The following NAV3 variants were observed in gnomAD, a reference collection of about 807,000 sequenced individuals.
NAV3 encodes the protein pore membrane and/or filament interacting like protein 1.
Under a neutral mutation model 244.7 loss-of-function variants are expected in NAV3, and 87 were observed. That is an observed-to-expected ratio of 0.36 (90% CI 0.30 to 0.42). The LOEUF is 0.42. NAV3 is among the 20% of genes least tolerant of loss of function. NAV3 has a pLI of 1.00. For missense variants in NAV3, 2,663 were observed against 2,893.3 expected (o/e 0.92, Z 1.83); for synonymous variants, 1,126 against 1,042.2 (o/e 1.08, Z -1.55).
chr12:77,766,267 G>A (rs112642315), intron 2 of NAV3, among the ~76,000 whole-genome samples: 2,143 of 152,224 alleles, frequency 0.014, 44 homozygotes, highest in African/African-American at 0.044. Flanking sequence ...TTTAAAAGAA[G>A]GTGTGAAAAA....
chr12:77,915,905 A>G (rs889329870), intron 1 of NAV3, among the ~76,000 whole-genome samples: 1 of 152,070 alleles, frequency 6.6e-6, no homozygotes, highest in Admixed American at 6.6e-5. Flanking sequence ...GCTGAATGAC[A>G]TGAAGCTTAC....
At chr12:77,657,011 G>A (rs1215671356) in intron 2 of NAV3, among the ~76,000 whole-genome samples, 1 of 152,124 alleles carries the variant, frequency 6.6e-6, no homozygotes, top group Non-Finnish European at 1.5e-5. Context: ...AAGCAGGAAA[G>A]ATCCAAAATT....
chr12:78,033,994 TGA>T (rs998064261), intron 9 of NAV3, among the ~76,000 whole-genome samples: 6 of 152,190 alleles, frequency 3.9e-5, no homozygotes, highest in Non-Finnish European at 8.8e-5. Flanking sequence ...AAAGAATACC[TGA>T]GAGAGAGCTG....
intron 2 of NAV3, among the ~76,000 whole-genome samples, chr12:77,803,846 T>A (rs188189413): frequency 1.1e-4 from 16 of 152,368 alleles, no homozygotes; most frequent in African/African-American, 3.8e-4. Context: ...GGTATCTCAT[T>A]GTGGTTTTGA....
intron 34 of NAV3, among the ~76,000 whole-genome samples, chr12:78,192,775 A>G (rs1959041529): frequency 1.3e-5 from 2 of 152,122 alleles, no homozygotes; most frequent in African/African-American, 2.4e-5. Flanking sequence ...TTATAACTAA[A>G]AAATATTTAT....
intron 2 of NAV3, among the ~76,000 whole-genome samples, chr12:77,599,693 TAAC>T (rs1435016990): frequency 6.6e-6 from 1 of 151,900 alleles, no homozygotes; most frequent in African/African-American, 2.4e-5. Context: ...ATAGGTTCCT[TAAC>T]AATGATAATT....
At chr12:77,793,758 A>T (rs1414295542) in intron 2 of NAV3, among the ~76,000 whole-genome samples, 1 of 152,162 alleles carries the variant, frequency 6.6e-6, no homozygotes, top group Non-Finnish European at 1.5e-5. Context: ...AGTATTTGCT[A>T]TTGTGAATAG....
At chr12:78,074,214 T>A (rs1191669528) in intron 12 of NAV3, among the ~76,000 whole-genome samples, 1 of 152,174 alleles carries the variant, frequency 6.6e-6, no homozygotes, top group African/African-American at 2.4e-5. Flanking sequence ...TAGGATCAAA[T>A]AGTAGAACAC....
chr12:77,984,913 T>C (rs988747211), intron 5 of NAV3, among the ~76,000 whole-genome samples: 1 of 151,854 alleles, frequency 6.6e-6, no homozygotes, highest in Non-Finnish European at 1.5e-5. Context: ...ACCTCCTGGG[T>C]TCAAGCGATT....
chr12:78,078,095 T>C (rs1953146069), intron 12 of NAV3, among the ~76,000 whole-genome samples: 1 of 152,106 alleles, frequency 6.6e-6, no homozygotes, highest in African/African-American at 2.4e-5. Flanking sequence ...TTGTCTTCCC[T>C]GTGTGTGTCT....
At chr12:78,142,391 T>G (rs1464915559) in intron 20 of NAV3, among the ~76,000 whole-genome samples, 1 of 152,088 alleles carries the variant, frequency 6.6e-6, no homozygotes, top group Non-Finnish European at 1.5e-5. Flanking sequence ...TCTAATATAG[T>G]AACTATGAAC....
intron 1 of NAV3, among the ~76,000 whole-genome samples, chr12:77,854,880 G>A (rs895671990): frequency 5.9e-5 from 9 of 152,184 alleles, no homozygotes; most frequent in African/African-American, 1.7e-4. Context: ...CACTTTGGGA[G>A]GCCGAGGTGG....
intron 11 of NAV3, among the ~76,000 whole-genome samples, chr12:78,058,635 A>G (rs777593661): frequency 6.6e-6 from 1 of 152,206 alleles, no homozygotes; most frequent in Non-Finnish European, 1.5e-5. Flanking sequence ...CTTCAAAAAC[A>G]GTATTTCAAA....
At chr12:77,618,504 T>C in intron 2 of NAV3, among the ~76,000 whole-genome samples, 1 of 152,342 alleles carries the variant, frequency 6.6e-6, no homozygotes, top group Non-Finnish European at 1.5e-5. Context: ...TAGTTGATAC[T>C]ATTGTTAGTA....
chr12:77,645,756 A>G (rs1872585082), intron 2 of NAV3, among the ~76,000 whole-genome samples: 1 of 152,072 alleles, frequency 6.6e-6, no homozygotes, highest in South Asian at 2.1e-4. Context: ...GTTATTTGCA[A>G]GACGGAAGCT....
chr12:78,179,568 G>T lies in NAV3; in HGVS notation c.5403G>T (p.Leu1801=). ...ECTEAEAEII[L]QLKSELREKE... is the part of the protein sequence containing the mutation. ...CAGAAGCTGAGGCAGAGATAATTCTGCAGCTGAAGAGCGAGCTCAGAGAAA... is the reference window on the plus strand; with the variant it reads ...CAGAAGCTGAGGCAGAGATAATTCTTCAGCTGAAGAGCGAGCTCAGAGAAA... The change falls in exon 29 of 40, where the codon CTG becomes CTT. Residue 1801 remains leucine, a synonymous_variant. Transcript: ENST00000397909. 6.2e-7 allele frequency: 1 copy of T among 1,613,336 alleles called. No individual in the cohort carries two copies. The highest frequency in any genetic ancestry group is 1.7e-4 in the Middle Eastern group (1 of 6,048).
At chr12:77,894,032 C>T (rs999112315) in intron 1 of NAV3, among the ~76,000 whole-genome samples, 2 of 152,122 alleles carry the variant, frequency 1.3e-5, no homozygotes, top group Non-Finnish European at 2.9e-5. Flanking sequence ...CTCCTTGACC[C>T]TTACCTGGTT....
At chr12:77,922,608 G>T (rs192684406) in intron 1 of NAV3, among the ~76,000 whole-genome samples, 113 of 152,208 alleles carry the variant, frequency 7.4e-4, no homozygotes, top group Non-Finnish European at 1.2e-3. Context: ...TCCCACCTAT[G>T]TCCAGCATTG....
intron 22 of NAV3, among the ~76,000 whole-genome samples, chr12:78,150,464 G>T (rs1003084769): frequency 6.6e-6 from 1 of 151,672 alleles, no homozygotes; most frequent in Non-Finnish European, 1.5e-5. Context: ...GTCTTCAAAA[G>T]AAAAAACTAA....
Sources: gnomAD v4.1 joint callset for allele counts (sites outside exome capture counted in the v4.1 genomes callset) on GRCh38, gnomAD v4.1.1 for gene constraint, MANE v1.5 for transcripts, NCBI Gene and HGNC (gene_info 2026-07-23, HGNC 2026-07-21) for gene names.